FGFR1OP2: variants seen among roughly 807,000 people sequenced by gnomAD.
FGFR1OP2 encodes the protein fibroblast growth factor receptor 1 oncogene partner 2.
A neutral mutation model predicts 35.2 loss-of-function variants in FGFR1OP2; 17 were observed. The ratio of observed to expected loss-of-function variants is 0.48; its 90% CI spans 0.33 to 0.73. FGFR1OP2 has a LOEUF of 0.73. Ranked by LOEUF, FGFR1OP2 falls within the 30% of genes least tolerant of loss-of-function variation. The pLI, the probability that FGFR1OP2 is intolerant of heterozygous loss-of-function variation, is 0.02. For missense variants in FGFR1OP2, 251 were observed against 307.3 expected, an observed-to-expected ratio of 0.82 and a Z score of 1.37; for synonymous variants, 105 against 104.6, an observed-to-expected ratio of 1.00 and a Z score of -0.03.
chr12:26,950,936 A>G (rs1938918433), intron 1 of FGFR1OP2, among the ~76,000 whole-genome samples: 1 of 152,218 alleles, frequency 6.6e-6, no homozygotes, highest in African/African-American at 2.4e-5. Context: ...GTGAATGGTA[A>G]TATGAAAAAG....
At position 26,961,943 on chromosome 12, in the gene FGFR1OP2, T is replaced by C. The variant is rs1158018929; in HGVS notation, c.510+1315T>C. 3 of 152,218 alleles carry C rather than the reference T, an allele frequency of 2.0e-5. No homozygotes were observed. In the East Asian group the frequency reaches 5.8e-4, roughly 29 times the overall value. 9.4% of individuals were successfully genotyped at this position (152,218 alleles called of 1,614,324 possible). A position where few individuals can be genotyped will look rare whatever the true frequency, so the allele number is the denominator to read the frequency against. ...AATGGGAGGAATTTTAATGGTTAAC[T>C]TGCAGAATATGACAGATACTTGTCT... On this transcript the variant is annotated intron_variant, in intron 5 of 6. Transcript: ENST00000229395.
In FGFR1OP2 at chr12:26,965,106, CTG is replaced by C. The variant is rs1403454580; in HGVS notation, c.*375_*376del. Reference sequence around the variant, plus strand: ...AATTTAAAAATATAAATTTTTGCCACTGTTTTGTGAACGGAGGATTTGTACGC... The same window carrying C: ...AATTTAAAAATATAAATTTTTGCCACTTTTGTGAACGGAGGATTTGTACGC... On this transcript the variant is annotated 3_prime_UTR_variant, in exon 7 of 7. Coordinates refer to ENST00000229395, the MANE Select transcript of FGFR1OP2 (RefSeq NM_015633.3). The C allele has an allele frequency of 6.3e-6, 1 of 158,026 alleles. No individual in the cohort carries two copies. Among genetic ancestry groups the C allele is most frequent in the East Asian group, 1.8e-4 (1 of 5,486 alleles). 9.8% of individuals were successfully genotyped at this position (158,026 alleles called of 1,614,324 possible).
intron 1 of FGFR1OP2, among the ~76,000 whole-genome samples, chr12:26,947,062 T>A (rs1172727279): frequency 6.6e-6 from 1 of 152,184 alleles, no homozygotes; most frequent in Non-Finnish European, 1.5e-5. Flanking sequence ...ACACATCATA[T>A]TTACTCATTT....
rs532479802 is a variant in FGFR1OP2, at chr12:26,953,220, C to T, written c.-14-925C>T. On this transcript the variant is annotated intron_variant, in intron 1 of 6. Coordinates refer to ENST00000229395, the MANE Select transcript of FGFR1OP2 (RefSeq NM_015633.3). The stretch of plus-strand genomic sequence containing the variant: ...TGGAGCTTGCAGTGAGCCGAGATCA[C>T]GCCGCTGCACTCCAGCCAGCCTGGG... Among the ~76,000 whole-genome samples, 5 of 141,272 alleles carry T rather than the reference C, an allele frequency of 3.5e-5. No homozygotes were observed. In the East Asian group the frequency reaches 6.3e-4, roughly 18 times the overall value. 92.7% of individuals were successfully genotyped at this position (141,272 alleles called of 152,430 possible).
intron 1 of FGFR1OP2, among the ~76,000 whole-genome samples, chr12:26,943,399 A>G (rs1938767989): frequency 1.3e-5 from 2 of 152,114 alleles, no homozygotes; most frequent in Admixed American, 6.5e-5. Flanking sequence ...TTTTGTTTTC[A>G]TAGTTGTTTT....
Position 26,964,882 on chromosome 12 carries a change from TA to T in FGFR1OP2, c.*151del. ...GAGATAGCAACAAAAAATGCATAGTTAATGGTCATAGACTTTATTCCAAAAC... is the reference window on the plus strand; with the variant it reads ...GAGATAGCAACAAAAAATGCATAGTTATGGTCATAGACTTTATTCCAAAAC... On this transcript the variant is annotated 3_prime_UTR_variant, in exon 7 of 7. Coordinates refer to ENST00000229395, the MANE Select transcript of FGFR1OP2 (RefSeq NM_015633.3). 1 of 696,230 alleles carries T rather than the reference TA, an allele frequency of 1.4e-6. No homozygotes were observed. The allele number at this position is 696,230 out of a possible 1,614,324, so 43.1% of individuals were successfully genotyped here.
At chr12:26,945,219 A>T in intron 1 of FGFR1OP2, among the ~76,000 whole-genome samples, 1 of 151,234 alleles carries the variant, frequency 6.6e-6, no homozygotes, top group East Asian at 1.9e-4. Context: ...AATTTCGTTG[A>T]TTTCTACTCT....
chr12:26,952,071 C>T (rs1938937854), intron 1 of FGFR1OP2, among the ~76,000 whole-genome samples: 1 of 142,860 alleles, frequency 7.0e-6, no homozygotes. Flanking sequence ...TTTCTTAGTA[C>T]AAGTCAGTGC....
intron 1 of FGFR1OP2, among the ~76,000 whole-genome samples, chr12:26,951,572 G>A (rs1938929399): frequency 6.6e-6 from 1 of 151,926 alleles, no homozygotes; most frequent in Admixed American, 6.6e-5. Context: ...TGCCCTCCTC[G>A]ACCTCCCAAA....
chr12:26,946,277 T>G (rs1387244291), intron 1 of FGFR1OP2, among the ~76,000 whole-genome samples: 2 of 152,332 alleles, frequency 1.3e-5, no homozygotes, highest in East Asian at 3.9e-4. Flanking sequence ...CCTCTGTCCC[T>G]GGTAATTTTC....
At chr12:26,952,230 T>A (rs934564879) in intron 1 of FGFR1OP2, among the ~76,000 whole-genome samples, 3 of 152,024 alleles carry the variant, frequency 2.0e-5, no homozygotes, top group East Asian at 3.9e-4. Flanking sequence ...TCTTAACAAA[T>A]AAGAAAGTTG....
chr12:26,964,649 G>A lies in FGFR1OP2; in HGVS notation c.678G>A (p.Leu226=). The part of the protein sequence containing the change: ...EILQITRESF[L]NLRKDDASES... ...TTCAAATAACTCGAGAATCATTTTT[G>A]AACCTAAGGAAAGATGATGCGTCGG... The change falls in exon 7 of 7, where the codon TTG becomes TTA. Residue 226 remains leucine (L), a synonymous_variant. Transcript: ENST00000229395. The A allele has an allele frequency of 1.9e-6, 3 of 1,613,032 alleles. No individual in the cohort carries two copies. The highest frequency in any genetic ancestry group is 2.5e-6 in the Non-Finnish European group (3 of 1,179,476).
chr12:26,942,652 G>A (rs1193813498), intron 1 of FGFR1OP2, among the ~76,000 whole-genome samples: 1 of 152,090 alleles, frequency 6.6e-6, no homozygotes, highest in Non-Finnish European at 1.5e-5. Flanking sequence ...TGCAGAAATA[G>A]ATAGTCATTT....
chr12:26,948,420 G>A (rs1043880794), intron 1 of FGFR1OP2, among the ~76,000 whole-genome samples: 1 of 152,166 alleles, frequency 6.6e-6, no homozygotes, highest in Admixed American at 6.5e-5. Flanking sequence ...GCTGGATATA[G>A]AATTTTGGGT....
intron 1 of FGFR1OP2, among the ~76,000 whole-genome samples, chr12:26,945,598 C>T (rs12300776): frequency 0.013 from 2,002 of 152,240 alleles, 50 homozygotes; most frequent in African/African-American, 0.045. Flanking sequence ...TGGTGGCTCA[C>T]GCCTGTAATA....
intron 2 of FGFR1OP2, among the ~76,000 whole-genome samples, chr12:26,956,311 T>C (rs1939018533): frequency 6.6e-6 from 1 of 152,040 alleles, no homozygotes; most frequent in Non-Finnish European, 1.5e-5. Flanking sequence ...TTATTGGCCA[T>C]TTGTATATCT....
chr12:26,953,723 ACAGT>A (rs1565849657), intron 1 of FGFR1OP2: 1 of 152,544 alleles, frequency 6.6e-6, no homozygotes, highest in Non-Finnish European at 1.5e-5. Flanking sequence ...AAGCATTCTT[ACAGT>A]CAAAGTTTTC....
At chr12:26,951,754 C>G (rs906824486) in intron 1 of FGFR1OP2, among the ~76,000 whole-genome samples, 1 of 152,116 alleles carries the variant, frequency 6.6e-6, no homozygotes, top group African/African-American at 2.4e-5. Context: ...GGCTATTTAG[C>G]TATCTGATCA....
At chr12:26,954,402 A>C in intron 2 of FGFR1OP2, 109 bp downstream of exon 2, 2 of 1,312,764 alleles carry the variant, frequency 1.5e-6, no homozygotes, top group South Asian at 3.5e-5. Context: ...TAAAATTTTA[A>C]AGTAGCTTGA....
Sources: gnomAD v4.1 joint callset for allele counts (sites outside exome capture counted in the v4.1 genomes callset) on GRCh38, gnomAD v4.1.1 for gene constraint, MANE v1.5 for transcripts, NCBI Gene and HGNC (gene_info 2026-07-23, HGNC 2026-07-21) for gene names.